Variants in FSTL5 observed in about 807,000 individuals in gnomAD.
FSTL5 encodes the protein follistatin like 5.
In FSTL5, 62 loss-of-function variants were observed where a neutral mutation model predicts 89.1. The observed-to-expected ratio is 0.70, with a 90% CI of 0.57 to 0.86. FSTL5 has a LOEUF of 0.86. FSTL5 is among the 40% of genes least tolerant of loss of function. FSTL5 has a pLI of 0.00. For synonymous variants in FSTL5, 383 were observed against 346.2 expected, an observed-to-expected ratio of 1.11 and a Z score of -1.18; for missense variants, 1,057 against 1,001.6, an observed-to-expected ratio of 1.06 and a Z score of -0.75.
At chr4:161,402,681 C>A (rs1048823605) in intron 15 of FSTL5, among the ~76,000 whole-genome samples, 1 of 152,112 alleles carries the variant, frequency 6.6e-6, no homozygotes, top group Non-Finnish European at 1.5e-5. Flanking sequence ...AATTGCAACA[C>A]CTTTTATAGA....
At chr4:161,477,402 T>C (rs1281208466) in intron 13 of FSTL5, among the ~76,000 whole-genome samples, 4 of 150,104 alleles carry the variant, frequency 2.7e-5, no homozygotes, top group African/African-American at 7.3e-5. Flanking sequence ...AGTGATTCTA[T>C]ATTGTTTTAT....
chr4:161,534,943 G>C (rs1310331133), intron 10 of FSTL5, among the ~76,000 whole-genome samples: 1 of 151,878 alleles, frequency 6.6e-6, no homozygotes, highest in African/African-American at 2.4e-5. Context: ...TCTTATCTTT[G>C]ACAAAATAGA....
At chr4:162,011,431 C>G (rs983908254) in intron 3 of FSTL5, among the ~76,000 whole-genome samples, 2 of 152,092 alleles carry the variant, frequency 1.3e-5, no homozygotes. Flanking sequence ...GGAAGACATA[C>G]TTTTCCTGTG....
intron 13 of FSTL5, among the ~76,000 whole-genome samples, chr4:161,476,113 C>G (rs1292056395): frequency 7.0e-6 from 1 of 142,166 alleles, no homozygotes; most frequent in Non-Finnish European, 1.5e-5. Context: ...ACTAAGCATT[C>G]AAATCTAATA....
chr4:161,553,765 A>G (rs991700685), intron 8 of FSTL5, among the ~76,000 whole-genome samples: 1 of 151,532 alleles, frequency 6.6e-6, no homozygotes, highest in African/African-American at 2.4e-5. Context: ...GAGATCCTGG[A>G]AAAAAATCAT....
At chr4:161,700,597 G>A (rs1008627828) in intron 6 of FSTL5, among the ~76,000 whole-genome samples, 2 of 151,780 alleles carry the variant, frequency 1.3e-5, no homozygotes, top group African/African-American at 2.4e-5. Flanking sequence ...GGGTGGTCTC[G>A]AATTCCTAGG....
chr4:161,807,571 T>A (rs1174246674), intron 4 of FSTL5, among the ~76,000 whole-genome samples: 2 of 152,130 alleles, frequency 1.3e-5, no homozygotes, highest in African/African-American at 4.8e-5. Context: ...GCTTGGTGGG[T>A]CATAGGTCTC....
At chr4:161,763,636 T>C (rs140521687) in intron 5 of FSTL5, among the ~76,000 whole-genome samples, 111 of 152,298 alleles carry the variant, frequency 7.3e-4, no homozygotes, top group African/African-American at 2.6e-3. Context: ...TGTGAACTCA[T>C]AGAGTAACGT....
At chr4:161,399,355 A>G (rs1332600984) in intron 15 of FSTL5, among the ~76,000 whole-genome samples, 2 of 152,182 alleles carry the variant, frequency 1.3e-5, no homozygotes, top group Non-Finnish European at 2.9e-5. Context: ...TATAAATTGT[A>G]TAATTTATTC....
intron 15 of FSTL5, among the ~76,000 whole-genome samples, chr4:161,426,802 A>G (rs944053155): frequency 2.6e-5 from 4 of 152,172 alleles, no homozygotes; most frequent in African/African-American, 9.7e-5. Flanking sequence ...TGTAATATTT[A>G]TTTGTTTACC....
intron 4 of FSTL5, among the ~76,000 whole-genome samples, chr4:161,877,597 A>T (rs1732488330): frequency 6.6e-6 from 1 of 150,880 alleles, no homozygotes; most frequent in Non-Finnish European, 1.5e-5. Flanking sequence ...GAGGCCGAGG[A>T]GGGCGGATCG....
intron 6 of FSTL5, among the ~76,000 whole-genome samples, chr4:161,686,329 TATATATATATATATA>T (rs1336844869): frequency 2.4e-3 from 19 of 7,980 alleles, no homozygotes; most frequent in Admixed American, 3.0e-3. Context: ...TATATATATA[TATATATATATATATA>T]TATTTTTTTT....
intron 7 of FSTL5, among the ~76,000 whole-genome samples, chr4:161,602,268 A>AGC (rs1275598003): frequency 1.3e-5 from 2 of 148,540 alleles, no homozygotes; most frequent in African/African-American, 2.6e-5. Context: ...AGAGAGAGAG[A>AGC]GAGAGAGAGA....
At chr4:161,909,146 T>C (rs538080829) in intron 4 of FSTL5, among the ~76,000 whole-genome samples, 28 of 152,228 alleles carry the variant, frequency 1.8e-4, no homozygotes, top group African/African-American at 6.3e-4. Flanking sequence ...CTCAAAAATA[T>C]GTCATAAAAT....
intron 4 of FSTL5, among the ~76,000 whole-genome samples, chr4:161,776,651 C>A (rs1254133562): frequency 1.3e-5 from 2 of 151,574 alleles, no homozygotes; most frequent in Non-Finnish European, 1.5e-5. Flanking sequence ...ATGACATTCA[C>A]ACATATATAT....
In FSTL5 at chr4:162,051,917, T is replaced by G. The variant is rs182525530; in HGVS notation, c.127-18259A>C. Among the ~76,000 whole-genome samples the G allele has an allele frequency of 7.3e-5, 11 of 151,330 alleles. No homozygotes were observed. In the East Asian group the frequency reaches 2.1e-3, roughly 29 times the overall value. On this transcript the variant is annotated intron_variant, in intron 2 of 15. Coordinates refer to ENST00000306100, the MANE Select transcript of FSTL5 (RefSeq NM_020116.5). ...TCATCTGGTGTAAGAGGTTGCAAGA[T>G]AGTAACAACATTAGCAAAGAAAAAC...
chr4:161,636,221 C>T (rs183171077), intron 7 of FSTL5, among the ~76,000 whole-genome samples: 1 of 152,066 alleles, frequency 6.6e-6, no homozygotes, highest in Admixed American at 6.5e-5. Context: ...CTGAATTATA[C>T]TGTTAATGGT....
intron 3 of FSTL5, among the ~76,000 whole-genome samples, chr4:162,023,083 A>T (rs927191429): frequency 6.6e-6 from 1 of 152,070 alleles, no homozygotes; most frequent in African/African-American, 2.4e-5. Flanking sequence ...CATTTGTACA[A>T]TTTTTTTAAA....
At chr4:161,645,778 G>T (rs1261512245) in intron 7 of FSTL5, among the ~76,000 whole-genome samples, 8 of 151,958 alleles carry the variant, frequency 5.3e-5, no homozygotes, top group African/African-American at 1.7e-4. Context: ...GAAGCTTTTG[G>T]ATCATAAATA....
Sources: gnomAD v4.1 joint callset for allele counts (sites outside exome capture counted in the v4.1 genomes callset) on GRCh38, gnomAD v4.1.1 for gene constraint, MANE v1.5 for transcripts, NCBI Gene and HGNC (gene_info 2026-07-23, HGNC 2026-07-21) for gene names.